Variants in FBXW12 observed in about 807,000 individuals in gnomAD.
FBXW12 encodes the protein F-box/WD repeat-containing protein 12.
A neutral mutation model predicts 55.3 loss-of-function variants in FBXW12; 43 were observed. The observed-to-expected ratio is 0.78, with a 90% confidence interval of 0.61 to 1.00. The LOEUF is 1.00. FBXW12 is among the 50% of genes least tolerant of loss of function. FBXW12 has a pLI of 0.00. For synonymous variants in FBXW12, 184 were observed against 203.8 expected (o/e 0.90, Z 0.83); for missense variants, 524 against 560.5 (o/e 0.93, Z 0.66).
rs766689772 is a variant in FBXW12, at chr3:48,380,901, C to T, written c.974C>T (p.Thr325Ile). 5.0e-6 allele frequency: 8 copies of T among 1,613,842 alleles called. No individual in the cohort carries two copies. Among genetic ancestry groups the T allele is most frequent in the Non-Finnish European group, 6.8e-6 (8 of 1,179,910 alleles). Residue 325 changes from threonine to isoleucine, a missense_variant, in exon 8 of 11, where the codon ACA becomes ATA. Thr to Ile is a moderately conservative substitution (Grantham distance 89, BLOSUM62 -1). Coordinates refer to ENST00000296438, the MANE Select transcript of FBXW12 (RefSeq NM_207102.2). ...DLTTKKTGGQ[T>I]VIQAYEIASF... Reference sequence around the variant, plus strand: ...ACAACCAAGAAGACTGGAGGCCAAACAGTCATCCAAGGTAGGCTGTGCCAC... The same window carrying T: ...ACAACCAAGAAGACTGGAGGCCAAATAGTCATCCAAGGTAGGCTGTGCCAC...
intron 6 of FBXW12, 43 bp from the exon 7 acceptor site, chr3:48,379,357 C>G: frequency 6.3e-7 from 1 of 1,596,432 alleles, no homozygotes; most frequent in Non-Finnish European, 8.6e-7. Flanking sequence ...TTCAGGATTT[C>G]ACATATCTTC....
At chr3:48,378,254 G>C in intron 5 of FBXW12, 63 bp from the exon 6 acceptor site, 5 of 1,276,604 alleles carry the variant, frequency 3.9e-6, no homozygotes, top group Non-Finnish European at 5.7e-6. Context: ...AACATGGGCA[G>C]AATGAAAGCA....
At position 48,373,025 on chromosome 3, in the gene FBXW12, G is replaced by C. The variant is rs113456606; in HGVS notation, c.90+168G>C. Reference sequence around the variant, plus strand: ...AACGAAAAGGACAAGCTGATATCCAGGAGTTGTGCTGACTAAACAGTCCTT... The same window carrying C: ...AACGAAAAGGACAAGCTGATATCCACGAGTTGTGCTGACTAAACAGTCCTT... On this transcript the variant is annotated intron_variant, in intron 2 of 10. Transcript: ENST00000296438. Among the ~76,000 whole-genome samples the C allele has an allele frequency of 7.1e-3, 1,081 of 152,298 alleles. 13 individuals are homozygous for C. The highest frequency in any genetic ancestry group is 0.024 in the African/African-American group (1,016 of 41,570).
intron 10 of FBXW12, among the ~76,000 whole-genome samples, chr3:48,392,959 T>C (rs916113748): frequency 2.0e-5 from 3 of 150,962 alleles, no homozygotes; most frequent in Non-Finnish European, 3.0e-5. Flanking sequence ...ATCTCTGCAG[T>C]GCTTTGTGGG....
intron 10 of FBXW12, among the ~76,000 whole-genome samples, chr3:48,384,583 C>A (rs1190093546): frequency 2.0e-5 from 3 of 152,180 alleles, no homozygotes; most frequent in African/African-American, 7.2e-5. Context: ...AGCCGACATC[C>A]TTCCATTGGA....
At chr3:48,381,147 C>T (rs530385093) in intron 8 of FBXW12, among the ~76,000 whole-genome samples, 3 of 152,002 alleles carry the variant, frequency 2.0e-5, no homozygotes, top group South Asian at 2.1e-4. Flanking sequence ...CTCAGCCTCC[C>T]GAGTAGCTGG....
intron 8 of FBXW12, among the ~76,000 whole-genome samples, 188 bp from the exon 9 acceptor site, chr3:48,381,512 T>C (rs1054582406): frequency 6.6e-6 from 1 of 152,222 alleles, no homozygotes; most frequent in Non-Finnish European, 1.5e-5. Flanking sequence ...TCCTAGCACC[T>C]GTTACCACAG....
At chr3:48,385,841 A>G (rs2106646467) in intron 10 of FBXW12, among the ~76,000 whole-genome samples, 1 of 152,300 alleles carries the variant, frequency 6.6e-6, no homozygotes, top group South Asian at 2.1e-4. Context: ...GAAAATTGGC[A>G]ATGAAGAACC....
At position 48,379,547 on chromosome 3, in the gene FBXW12, A is replaced by G; in HGVS notation, c.763A>G (p.Thr255Ala). The G allele has an allele frequency of 6.2e-7, 1 of 1,614,078 alleles. No homozygotes were observed. Among genetic ancestry groups the G allele is most frequent in the Non-Finnish European group, 8.5e-7 (1 of 1,179,924 alleles). Residue 255 changes from threonine (T) to alanine (A), a missense_variant, in exon 7 of 11, where the codon ACC becomes GCC. Coordinates refer to ENST00000296438, the MANE Select transcript of FBXW12 (RefSeq NM_207102.2). ...ATTTGCATGTGGGACATACAGTCGTACCTTGCCACAGGTAGGTGCTGTTCT... is the reference window on the plus strand; with the variant it reads ...ATTTGCATGTGGGACATACAGTCGTGCCTTGCCACAGGTAGGTGCTGTTCT... ...WVFACGTYSRTLPQVFLTESL... is the reference protein window; with the variant it reads ...WVFACGTYSRALPQVFLTESL...
Position 48,372,679 on chromosome 3 carries a change from A to G in FBXW12, c.-84-5A>G, listed in dbSNP as rs2036618700. ...CAGATGGGCATGGGTGAAAATCTTT[A>G]CAAGTGCTGCAGACTTTGGCAAAGC... is the stretch of plus-strand genomic sequence containing the variant. On this transcript the variant is annotated splice_region_variant and splice_polypyrimidine_tract_variant and intron_variant, in intron 1 of 10. Transcript: ENST00000296438. 6.2e-7 allele frequency: 1 copy of G among 1,608,530 alleles called. No homozygotes were observed. The highest frequency in any genetic ancestry group is 1.3e-5 in the African/African-American group (1 of 74,768).
intron 4 of FBXW12, among the ~76,000 whole-genome samples, chr3:48,374,786 TA>T (rs375032054): frequency 6.1e-4 from 73 of 119,998 alleles, no homozygotes; most frequent in East Asian, 1.3e-3. Context: ...TTTTTTTTTT[TA>T]AAAACAGAGT....
In FBXW12 at chr3:48,394,553, T is replaced by C; in HGVS notation, c.1296-7T>C. 1 of 1,558,974 alleles carries C rather than the reference T, an allele frequency of 6.4e-7. No individual in the cohort carries two copies. The highest frequency in any genetic ancestry group is 8.8e-7 in the Non-Finnish European group (1 of 1,137,378). ...GTTCACTGATGATCTTATTTTTCCATTGACAGCTGCATCTCCAGTGTGATG... is the reference window on the plus strand; with the variant it reads ...GTTCACTGATGATCTTATTTTTCCACTGACAGCTGCATCTCCAGTGTGATG... On this transcript the variant is annotated splice_polypyrimidine_tract_variant and splice_region_variant and intron_variant, in intron 10 of 10. Transcript: ENST00000296438.
At chr3:48,377,807 CTCTTT>C (rs1416598154) in intron 5 of FBXW12, among the ~76,000 whole-genome samples, 1 of 152,128 alleles carries the variant, frequency 6.6e-6, no homozygotes, top group Non-Finnish European at 1.5e-5. Flanking sequence ...AAACTTCGTG[CTCTTT>C]TCTTATATGA....
In FBXW12 at chr3:48,380,830, C is replaced by A. The variant is rs2036756243; in HGVS notation, c.903C>A (p.Ser301=). ...TGAAAAACAGGATAACACTGATGTC[C>A]CAAAGTAGCACTGGAAAAAAGACAG... The part of the protein sequence containing the change: ...PKVKNRITLM[S]QSSTGKKTEF... The change falls in exon 8 of 11, where the codon TCC becomes TCA. Residue 301 remains serine (S), a synonymous_variant. Coordinates refer to ENST00000296438, the MANE Select transcript of FBXW12 (RefSeq NM_207102.2). 11 of 1,613,972 alleles carry A rather than the reference C, an allele frequency of 6.8e-6. No homozygotes were observed. Among genetic ancestry groups the A allele is most frequent in the Non-Finnish European group, 9.3e-6 (11 of 1,180,008 alleles).
intron 10 of FBXW12, among the ~76,000 whole-genome samples, chr3:48,394,118 C>T (rs1405002727): frequency 4.6e-5 from 7 of 151,828 alleles, no homozygotes; most frequent in African/African-American, 1.2e-4. Context: ...CGTGGTGGTG[C>T]GTGCCTGTAG....
At chr3:48,381,366 C>T (rs917022258) in intron 8 of FBXW12, among the ~76,000 whole-genome samples, 1 of 152,072 alleles carries the variant, frequency 6.6e-6, no homozygotes, top group Non-Finnish European at 1.5e-5. Context: ...CATCCCAGTT[C>T]GACTCTAATA....
chr3:48,385,348 G>GTGTA (rs2036833409), intron 10 of FBXW12, among the ~76,000 whole-genome samples: 2 of 151,296 alleles, frequency 1.3e-5, no homozygotes, highest in South Asian at 4.2e-4. Flanking sequence ...TTGTGTGTGT[G>GTGTA]TGTGTGTGTG....
chr3:48,386,732 T>C (rs2036853217), intron 10 of FBXW12, among the ~76,000 whole-genome samples: 1 of 152,216 alleles, frequency 6.6e-6, no homozygotes, highest in African/African-American at 2.4e-5. Flanking sequence ...ATTTCAGTTT[T>C]GGATGCTGTT....
chr3:48,379,753 G>A (rs2036739139), intron 7 of FBXW12, 195 bp downstream of exon 7: 1 of 550,638 alleles, frequency 1.8e-6, no homozygotes. Context: ...TGTGGCAAAT[G>A]TTTAACAAAA....
Sources: gnomAD v4.1 joint callset for allele counts (sites outside exome capture counted in the v4.1 genomes callset) on GRCh38, gnomAD v4.1.1 for gene constraint, MANE v1.5 for transcripts, NCBI Gene and HGNC (gene_info 2026-07-23, HGNC 2026-07-21) for gene names.